The following MFGE8 variants were observed in gnomAD, a reference collection of about 807,000 sequenced individuals.
The protein encoded by MFGE8 is lactadherin.
A neutral mutation model predicts 42.6 loss-of-function variants in MFGE8; 34 were observed. The observed-to-expected ratio is 0.80, with a 90% CI of 0.61 to 1.06. The LOEUF (loss-of-function observed/expected upper bound fraction) is 1.06. MFGE8 is among the 50% of genes least tolerant of loss of function. The probability of loss-of-function intolerance (pLI) is 0.00; values close to 1 mark genes in which losing one functional copy is unlikely to be tolerated. For synonymous variants in MFGE8, 230 were observed against 214.8 expected, an observed-to-expected ratio of 1.07 and a Z score of -0.62; for missense variants, 510 against 516.9, an observed-to-expected ratio of 0.99 and a Z score of 0.13.
chr15:88,912,319 G>A (rs1899003111), intron 1 of MFGE8: 3 of 1,265,480 alleles, frequency 2.4e-6, no homozygotes, highest in South Asian at 2.6e-5. Flanking sequence ...GGTGGCCGGG[G>A]AGGGCCAGGA....
chr15:88,913,069 G>C, intron 1 of MFGE8, 178 bp downstream of exon 1: 1 of 985,364 alleles, frequency 1.0e-6, no homozygotes, highest in Non-Finnish European at 1.2e-6. Context: ...AGAGACAGCA[G>C]GGCCGCATCC....
Position 88,902,466 on chromosome 15 carries a change from G to A in MFGE8, c.686-731C>T, listed in dbSNP as rs1404107628. ...CAACATCCCTGCCCTCCAGCAGCTG[G>A]CAGTTAGAGAAATCAGACAACTCCT... On this transcript the variant is annotated intron_variant, in intron 5 of 7. Transcript: ENST00000268150. This position sits in a 1 kb window ranked among gnomAD's most constrained non-coding sequence, Gnocchi z 4.3. The A allele has an allele frequency of 6.6e-6, 1 of 152,338 alleles. No individual in the cohort carries two copies. Among genetic ancestry groups the A allele is most frequent in the African/African-American group, 2.4e-5 (1 of 41,410 alleles). The allele number at this position is 152,338 out of a possible 1,614,324, so 9.4% of individuals were successfully genotyped here.
At position 88,899,257 on chromosome 15, in the gene MFGE8, G is replaced by A. The variant is rs1898246879; in HGVS notation, c.*138C>T. On this transcript the variant is annotated 3_prime_UTR_variant, in exon 8 of 8. Transcript: ENST00000268150. This position sits in a 1 kb window ranked among gnomAD's most constrained non-coding sequence, Gnocchi z 6.8. The stretch of plus-strand genomic sequence containing the variant: ...GGAGGGTGGGAAAGAGGGAGGGAGG[G>A]GTGACTGTGTGGTGGTGCTGCCTCT... The A allele has an allele frequency of 1.7e-6, 2 of 1,162,650 alleles. No individual in the cohort carries two copies. Among genetic ancestry groups the A allele is most frequent in the South Asian group, 2.7e-5 (2 of 72,950 alleles). The allele number at this position is 1,162,650 out of a possible 1,614,324, so 72.0% of individuals were successfully genotyped here. A position where few individuals can be genotyped will look rare whatever the true frequency, so the allele number is the denominator to read the frequency against.
intron 1 of MFGE8, among the ~76,000 whole-genome samples, chr15:88,911,637 G>C (rs1164462302): frequency 6.6e-6 from 1 of 151,956 alleles, no homozygotes; most frequent in South Asian, 2.1e-4. Context: ...TGAGGAAAGA[G>C]AATGGCATGA....
At chr15:88,901,066 TAC>T (rs1226977878) in intron 6 of MFGE8, among the ~76,000 whole-genome samples, 1 of 109,534 alleles carries the variant, frequency 9.1e-6, no homozygotes, top group African/African-American at 3.3e-5. Flanking sequence ...CACATTCACA[TAC>T]ACATTCACAT....
rs761855354 is a variant in MFGE8 at position 88,906,581 on chromosome 15, G to A, written c.540+45C>T. 1.1e-5 allele frequency: 17 copies of A among 1,611,306 alleles called. No individual in the cohort carries two copies. The highest frequency in any genetic ancestry group is 1.4e-5 in the Non-Finnish European group (16 of 1,178,108). On this transcript the variant is annotated intron_variant, in intron 4 of 7. Coordinates refer to ENST00000268150, the MANE Select transcript of MFGE8 (RefSeq NM_005928.4). This position sits in a 1 kb window ranked among gnomAD's most constrained non-coding sequence, Gnocchi z 4.2. ...TCCTCAGTCAATGCTAGAACCTTAG[G>A]GGGTATGGACCACAGCCCTTCTTTC... is the stretch of plus-strand genomic sequence containing the variant.
At position 88,905,324 on chromosome 15, in the gene MFGE8, T is replaced by TCGCTCATTCATC. The variant is rs1404509035; in HGVS notation, c.685+421_685+432dup. 4 of 368,742 alleles carry TCGCTCATTCATC rather than the reference T, an allele frequency of 1.1e-5. No individual in the cohort carries two copies. Among genetic ancestry groups the TCGCTCATTCATC allele is most frequent in the South Asian group, 6.2e-5 (3 of 48,488 alleles). The allele number at this position is 368,742 out of a possible 1,614,324, so 22.8% of individuals were successfully genotyped here. On this transcript the variant is annotated intron_variant, in intron 5 of 7. Coordinates refer to ENST00000268150, the MANE Select transcript of MFGE8 (RefSeq NM_005928.4). This position sits in a 1 kb window ranked among gnomAD's most constrained non-coding sequence, Gnocchi z 6.6. Reference sequence around the variant, plus strand: ...GGCCCCACGCCCCTCATTCATTCATTCGCTCATTCATCAAATATTTATTGA... The same window carrying TCGCTCATTCATC: ...GGCCCCACGCCCCTCATTCATTCATTCGCTCATTCATCCGCTCATTCATCAAATATTTATTGA...
At chr15:88,911,760 G>A (rs1016800980) in intron 1 of MFGE8, among the ~76,000 whole-genome samples, 14 of 149,692 alleles carry the variant, frequency 9.4e-5, no homozygotes, top group African/African-American at 2.7e-4. Context: ...AAACCTTTTT[G>A]CCTCCCCCTC....
intron 2 of MFGE8, among the ~76,000 whole-genome samples, chr15:88,907,623 G>C (rs1898754317): frequency 6.6e-6 from 1 of 152,064 alleles, no homozygotes. Context: ...AGTCACGGGA[G>C]GCTGGGACCC....
Position 88,899,649 on chromosome 15 carries a change from C to T in MFGE8, c.1026+7G>A, listed in dbSNP as rs780661512. The stretch of plus-strand genomic sequence containing the variant: ...GGCAAAGGGTGGGCAGCTGGACAGA[C>T]ACCCACCTTACTGCTGCCAGTCCTG... On this transcript the variant is annotated splice_region_variant and intron_variant, in intron 7 of 7. Coordinates refer to ENST00000268150, the MANE Select transcript of MFGE8 (RefSeq NM_005928.4). This position sits in a 1 kb window ranked among gnomAD's most constrained non-coding sequence, Gnocchi z 6.8. 2.5e-6 allele frequency: 4 copies of T among 1,614,156 alleles called. No homozygotes were observed. Among genetic ancestry groups the T allele is most frequent in the South Asian group, 1.1e-5 (1 of 91,088 alleles).
intron 1 of MFGE8, chr15:88,912,184 A>T (rs1898995566): frequency 1.6e-6 from 2 of 1,289,848 alleles, no homozygotes; most frequent in Non-Finnish European, 2.0e-6. Context: ...ACCCTGTATA[A>T]AAACATCTTT....
chr15:88,911,913 C>G (rs1263385347), intron 1 of MFGE8, among the ~76,000 whole-genome samples: 2 of 152,080 alleles, frequency 1.3e-5, no homozygotes, highest in Non-Finnish European at 2.9e-5. Context: ...AAAGTGGCTC[C>G]CAAGGAGCTA....
At position 88,905,098 on chromosome 15, in the gene MFGE8, C is replaced by T. The variant is rs1302913052; in HGVS notation, c.685+659G>A. On this transcript the variant is annotated intron_variant, in intron 5 of 7. Transcript: ENST00000268150. The surrounding 1 kb of genome is among the most constrained non-coding windows in gnomAD (Gnocchi z 6.6). ...TCCCTTTATGGTCTCCCCAGCTCTT[C>T]ATCTGGGAATCTCTTTGGAAAAGGC... Among the ~76,000 whole-genome samples the T allele has an allele frequency of 6.6e-6, 1 of 152,218 alleles. No homozygotes were observed. Among genetic ancestry groups the T allele is most frequent in the Non-Finnish European group, 1.5e-5 (1 of 68,046 alleles).
chr15:88,912,664 G>A (rs1899021558), intron 1 of MFGE8: 1 of 985,352 alleles, frequency 1.0e-6, no homozygotes, highest in Non-Finnish European at 1.2e-6. Context: ...CCATCAGCAG[G>A]CAGCCCTCTT....
intron 3 of MFGE8, 128 bp downstream of exon 3, chr15:88,907,067 T>G: frequency 8.2e-7 from 1 of 1,224,766 alleles, no homozygotes; most frequent in Non-Finnish European, 1.2e-6. Flanking sequence ...AGATACTTCA[T>G]CCATGGGAAC....
Position 88,906,868 on chromosome 15 carries a change from G to C in MFGE8, c.388-90C>G. On this transcript the variant is annotated intron_variant, in intron 3 of 7. Transcript: ENST00000268150. This position sits in a 1 kb window ranked among gnomAD's most constrained non-coding sequence, Gnocchi z 4.2. ...AGACCCATCCCTTCACTCCCCCACT[G>C]GGTGGGGGAACAACTCAAGCAAAAC... 3 of 1,482,296 alleles carry C rather than the reference G, an allele frequency of 2.0e-6. No individual in the cohort carries two copies. Among genetic ancestry groups the C allele is most frequent in the Non-Finnish European group, 2.8e-6 (3 of 1,065,232 alleles). 91.8% of individuals were successfully genotyped at this position (1,482,296 alleles called of 1,614,324 possible). A position where few individuals can be genotyped will look rare whatever the true frequency, so the allele number is the denominator to read the frequency against.
chr15:88,909,216 C>A (rs762636860), intron 2 of MFGE8, among the ~76,000 whole-genome samples: 2 of 152,200 alleles, frequency 1.3e-5, no homozygotes, highest in Non-Finnish European at 2.9e-5. Context: ...AGGTCACACG[C>A]GGACAGCCCC....
At chr15:88,912,882 G>A in intron 1 of MFGE8, 1 of 985,440 alleles carries the variant, frequency 1.0e-6, no homozygotes, top group Non-Finnish European at 1.2e-6. Context: ...TAGAGTCCTA[G>A]AATCTCCCAG....
rs756847720 is a variant in MFGE8, at chr15:88,899,625, G to A, written c.1026+31C>T. The stretch of plus-strand genomic sequence containing the variant: ...CTCCCAGGGAAGTAATGAAGGAATG[G>A]CAAAGGGTGGGCAGCTGGACAGACA... On this transcript the variant is annotated intron_variant, in intron 7 of 7. Coordinates refer to ENST00000268150, the MANE Select transcript of MFGE8 (RefSeq NM_005928.4). This position sits in a 1 kb window ranked among gnomAD's most constrained non-coding sequence, Gnocchi z 6.8. 9 of 1,614,150 alleles carry A rather than the reference G, an allele frequency of 5.6e-6. No individual in the cohort carries two copies. The highest frequency in any genetic ancestry group is 1.7e-5 in the Admixed American group (1 of 60,024).
Sources: allele counts gnomAD v4.1 joint callset (sites outside exome capture counted in the v4.1 genomes callset), GRCh38; gene constraint gnomAD v4.1.1; non-coding constraint Gnocchi (gnomAD v3.1); transcripts MANE v1.5; gene names NCBI Gene and HGNC (gene_info 2026-07-23, HGNC 2026-07-21).